The following MED1 variants were observed in gnomAD, a reference collection of about 807,000 sequenced individuals.
MED1 encodes the protein mediator complex subunit 1, also known as mediator of RNA polymerase II transcription subunit 1.
MED1 carries 17 observed loss-of-function variants against 121.3 expected under a neutral mutation model. The ratio of observed to expected loss-of-function variants is 0.14; its 90% CI spans 0.10 to 0.21. The LOEUF (loss-of-function observed/expected upper bound fraction) is 0.21. Ranked by LOEUF, MED1 falls within the 10% of genes least tolerant of loss-of-function variation. MED1 has a pLI of 1.00. For missense variants in MED1, 1,558 were observed against 1,919.4 expected (o/e 0.81, Z 3.52); for synonymous variants, 661 against 694.4 (o/e 0.95, Z 0.76).
chr17:39,411,180 G>A (rs913137853), intron 16 of MED1, among the ~76,000 whole-genome samples: 4 of 152,084 alleles, frequency 2.6e-5, no homozygotes, highest in African/African-American at 7.2e-5. Flanking sequence ...TTAGCTGGGC[G>A]TGGTGGCGCG....
At chr17:39,449,005 T>C (rs960185985) in intron 1 of MED1, among the ~76,000 whole-genome samples, 2 of 152,082 alleles carry the variant, frequency 1.3e-5, no homozygotes, top group African/African-American at 4.8e-5. Context: ...TTTACACTTG[T>C]TGTCTCCTTG....
rs1003443349 is a variant in MED1, at chr17:39,407,254, G to C, written c.*221C>G. 2.7e-6 allele frequency: 3 copies of C among 1,127,858 alleles called. No homozygotes were observed. In the African/African-American group the frequency reaches 5.6e-5, roughly 21 times the overall value. The allele number at this position is 1,127,858 out of a possible 1,614,324, so 69.9% of individuals were successfully genotyped here. A position where few individuals can be genotyped will look rare whatever the true frequency, so the allele number is the denominator to read the frequency against. On this transcript the variant is annotated 3_prime_UTR_variant, in exon 17 of 17. Coordinates refer to ENST00000300651, the MANE Select transcript of MED1 (RefSeq NM_004774.4). ...GTATTTTAACTTTCTTTCTGGCACA[G>C]GAACAAAGAAGACTTCCTGGTAACC... is the stretch of plus-strand genomic sequence containing the variant.
Position 39,440,300 on chromosome 17 carries a change from A to G in MED1, c.399+86T>C, listed in dbSNP as rs1353098338. 18 of 1,379,742 alleles carry G rather than the reference A, an allele frequency of 1.3e-5. No individual in the cohort carries two copies. 85.5% of individuals were successfully genotyped at this position (1,379,742 alleles called of 1,614,324 possible). A position where few individuals can be genotyped will look rare whatever the true frequency, so the allele number is the denominator to read the frequency against. On this transcript the variant is annotated intron_variant, in intron 5 of 16. Transcript: ENST00000300651. This position sits in a 1 kb window ranked among gnomAD's most constrained non-coding sequence, Gnocchi z 4.1. ...TGGCTCATGGAAAAACCTAAACCCAAGCTATTTAAACCCCAACAATTAATT... is the reference window on the plus strand; with the variant it reads ...TGGCTCATGGAAAAACCTAAACCCAGGCTATTTAAACCCCAACAATTAATT...
At position 39,451,093 on chromosome 17, in the gene MED1, C is replaced by A. The variant is rs1455666239; in HGVS notation, c.-31G>T. 4.3e-6 allele frequency: 7 copies of A among 1,609,612 alleles called. No individual in the cohort carries two copies. Among genetic ancestry groups the A allele is most frequent in the Non-Finnish European group, 5.9e-6 (7 of 1,178,126 alleles). On this transcript the variant is annotated 5_prime_UTR_variant, in exon 1 of 17. Coordinates refer to ENST00000300651, the MANE Select transcript of MED1 (RefSeq NM_004774.4). The stretch of plus-strand genomic sequence containing the variant: ...AGGCGAGGAGAAGCTAGATCCGCCA[C>A]AAAAGGATAAGCCCTTCCCCACCAC...
At chr17:39,432,193 A>G (rs544628174) in intron 7 of MED1, among the ~76,000 whole-genome samples, 177 bp from the exon 8 acceptor site, 7 of 151,946 alleles carry the variant, frequency 4.6e-5, no homozygotes, top group African/African-American at 1.7e-4. Context: ...AACTACAAAA[A>G]TTAGCCGAGC....
In MED1 at chr17:39,405,023, C is replaced by A; in HGVS notation, c.*2452G>T. ...GTCAAACTGAGAATACATAAGACACCAGCAGCAGAAGATAGGTAGAAGTTG... is the reference window on the plus strand; with the variant it reads ...GTCAAACTGAGAATACATAAGACACAAGCAGCAGAAGATAGGTAGAAGTTG... On this transcript the variant is annotated 3_prime_UTR_variant, in exon 17 of 17. Coordinates refer to ENST00000300651, the MANE Select transcript of MED1 (RefSeq NM_004774.4). The A allele has an allele frequency of 1.8e-6, 1 of 551,508 alleles. No individual in the cohort carries two copies. Among genetic ancestry groups the A allele is most frequent in the Non-Finnish European group, 3.1e-6 (1 of 327,824 alleles). The allele number at this position is 551,508 out of a possible 1,614,324, so 34.2% of individuals were successfully genotyped here.
chr17:39,448,308 T>G (rs2048748021), intron 1 of MED1, among the ~76,000 whole-genome samples: 1 of 147,090 alleles, frequency 6.8e-6, no homozygotes, highest in African/African-American at 2.5e-5. Flanking sequence ...AGGCAGAGGT[T>G]GCAGTGAGCC....
At position 39,405,204 on chromosome 17, in the gene MED1, G is replaced by C. The variant is rs765220803; in HGVS notation, c.*2271C>G. 1.3e-6 allele frequency: 2 copies of C among 1,557,518 alleles called. No individual in the cohort carries two copies. The highest frequency in any genetic ancestry group is 1.9e-5 in the Admixed American group (1 of 51,998). On this transcript the variant is annotated 3_prime_UTR_variant, in exon 17 of 17. Transcript: ENST00000300651. ...AGGCAGGGTGAAGCAGTTTAGCCCC[G>C]GCTCCCTGTTAAGCAAGTTCAGATG...
In MED1 at chr17:39,436,199, A is replaced by G. The variant is rs575863821; in HGVS notation, c.429-1879T>C. 2.0e-5 allele frequency among the ~76,000 whole-genome samples: 3 copies of G among 151,716 alleles called. No homozygotes were observed. The East Asian group carries it at 5.8e-4, about 29-fold the overall frequency. On this transcript the variant is annotated intron_variant, in intron 6 of 16. Coordinates refer to ENST00000300651, the MANE Select transcript of MED1 (RefSeq NM_004774.4). ...AACACGATGAAACCTCGTCTCTACT[A>G]AAAATACAAAAATTATCCGGGCATG...
chr17:39,421,836 G>A (rs977270721), intron 13 of MED1, among the ~76,000 whole-genome samples: 3 of 151,368 alleles, frequency 2.0e-5, no homozygotes, highest in African/African-American at 7.3e-5. Flanking sequence ...ACCATTAAGA[G>A]TCTGTCACCC....
intron 9 of MED1, among the ~76,000 whole-genome samples, chr17:39,430,236 T>C (rs1302495320): frequency 6.6e-6 from 1 of 151,674 alleles, no homozygotes; most frequent in East Asian, 1.9e-4. Flanking sequence ...AATACAAAAA[T>C]TAGTCGGGTG....
At chr17:39,413,966 C>T (rs2048381251) in intron 16 of MED1, among the ~76,000 whole-genome samples, 1 of 146,994 alleles carries the variant, frequency 6.8e-6, no homozygotes, top group Non-Finnish European at 1.5e-5. Flanking sequence ...GTGGCTCACG[C>T]CTGTAATCCC....
chr17:39,423,388 T>C lies in MED1; in HGVS notation c.1034A>G (p.Gln345Arg), dbSNP rs780046281. Residue 345 changes from glutamine (Q) to arginine (R), a missense_variant, in exon 13 of 17, where the codon CAG (glutamine) becomes CGG (arginine). Physicochemically the swap from Gln to Arg is conservative, Grantham distance 43 (BLOSUM62 1). Transcript: ENST00000300651. ...GTCAGGGTCCTTTGATAGCTCAAAC[T>C]GAGTGATCAGTTCATACAGGGGTGC... ...TYAPLYELIT[Q>R]FELSKDPDPI... 2.5e-6 allele frequency: 4 copies of C among 1,613,962 alleles called. No homozygotes were observed. In the African/African-American group the frequency reaches 4.0e-5, roughly 16 times the overall value.
chr17:39,416,278 T>C (rs530560185), intron 14 of MED1, among the ~76,000 whole-genome samples: 1 of 152,340 alleles, frequency 6.6e-6, no homozygotes, highest in Non-Finnish European at 1.5e-5. Flanking sequence ...CTCATTCTAC[T>C]TGATAAGCAG....
intron 5 of MED1, 55 bp from the exon 6 acceptor site, chr17:39,439,248 G>A (rs2048649570): frequency 7.2e-7 from 1 of 1,388,666 alleles, no homozygotes. Flanking sequence ...CAACTTTGAA[G>A]ATATCAAAAG....
intron 5 of MED1, among the ~76,000 whole-genome samples, chr17:39,439,985 A>AGAAG (rs1172811100): frequency 0.097 from 12,213 of 125,434 alleles, 1,011 homozygotes; most frequent in African/African-American, 0.22. Flanking sequence ...AAAGAAAGAA[A>AGAAG]GAAGGAAGGA....
At chr17:39,414,130 G>A (rs867739535) in intron 16 of MED1, among the ~76,000 whole-genome samples, 6 of 151,274 alleles carry the variant, frequency 4.0e-5, no homozygotes, top group Non-Finnish European at 2.9e-5. Flanking sequence ...AGGAGGGTGA[G>A]GCAGGAGAAT....
intron 8 of MED1, 121 bp downstream of exon 8, chr17:39,431,821 A>G (rs2048567445): frequency 3.1e-6 from 2 of 642,726 alleles, no homozygotes; most frequent in Non-Finnish European, 5.3e-6. Flanking sequence ...TACAATCATC[A>G]TTTTGGAAGA....
intron 16 of MED1, 36 bp from the exon 17 acceptor site, chr17:39,410,757 A>G (rs1373627031): frequency 6.4e-7 from 1 of 1,555,924 alleles, no homozygotes; most frequent in Admixed American, 1.9e-5. Context: ...TTAACATTGC[A>G]ATAGCTGCTG....
Sources: allele counts gnomAD v4.1 joint callset (sites outside exome capture counted in the v4.1 genomes callset), GRCh38; gene constraint gnomAD v4.1.1; non-coding constraint Gnocchi (gnomAD v3.1); transcripts MANE v1.5; gene names NCBI Gene and HGNC (gene_info 2026-07-23, HGNC 2026-07-21).